Variants in COBLL1 observed in about 807,000 individuals in gnomAD.
COBLL1 encodes cordon-bleu protein-like 1.
Under a neutral mutation model 94.8 loss-of-function variants are expected in COBLL1, and 50 were observed. That is an observed-to-expected ratio of 0.53 (90% CI 0.42 to 0.67). The LOEUF is 0.67. Ranked by LOEUF, COBLL1 falls within the 30% of genes least tolerant of loss-of-function variation. The pLI is 0.00. For synonymous variants in COBLL1, 448 were observed against 473.8 expected, an observed-to-expected ratio of 0.95 and a Z score of 0.71; for missense variants, 1,362 against 1,348.7, an observed-to-expected ratio of 1.01 and a Z score of -0.15.
chr2:164,762,719 C>T lies in COBLL1; in HGVS notation c.42-18844G>A, dbSNP rs550474351. Among the ~76,000 whole-genome samples the T allele has an allele frequency of 8.0e-5, 10 of 125,078 alleles. No homozygotes were observed. In the East Asian group the frequency reaches 2.2e-3, roughly 28 times the overall value. 82.1% of individuals were successfully genotyped at this position (125,078 alleles called of 152,430 possible). A position where few individuals can be genotyped will look rare whatever the true frequency, so the allele number is the denominator to read the frequency against. ...TCCTTTTTTTTTTTTTTTTTTGAGA[C>T]GCAGTCTTGCTCTGTCACCCAGGCT... On this transcript the variant is annotated intron_variant, in intron 2 of 13. Coordinates refer to ENST00000652658, the MANE Select transcript of COBLL1 (RefSeq NM_001365672.2).
intron 1 of COBLL1, among the ~76,000 whole-genome samples, chr2:164,673,950 C>G (rs967842316): frequency 2.6e-5 from 4 of 152,120 alleles, no homozygotes; most frequent in Non-Finnish European, 4.4e-5. Context: ...GCTATAAATA[C>G]TATTGAGTAC....
intron 2 of COBLL1, among the ~76,000 whole-genome samples, chr2:164,769,791 C>T (rs1280093074): frequency 6.6e-6 from 1 of 151,894 alleles, no homozygotes; most frequent in Non-Finnish European, 1.5e-5. Flanking sequence ...CCACATATAC[C>T]CCCCCCAGAG....
chr2:164,802,510 G>T lies in COBLL1; in HGVS notation c.41+38646C>A, dbSNP rs1372641104. 2.0e-5 allele frequency among the ~76,000 whole-genome samples: 3 copies of T among 148,920 alleles called. No homozygotes were observed. The East Asian group carries it at 5.9e-4, about 29-fold the overall frequency. On this transcript the variant is annotated intron_variant, in intron 2 of 13. Transcript: ENST00000652658. ...CAGCAGGAAAAAGCACAGGATTGAA[G>T]TGAGAGAGGGATTTTGCTGAAATCA... is the stretch of plus-strand genomic sequence containing the variant.
At chr2:164,782,385 C>T (rs1030138315) in intron 2 of COBLL1, among the ~76,000 whole-genome samples, 4 of 151,886 alleles carry the variant, frequency 2.6e-5, no homozygotes, top group East Asian at 1.9e-4. Flanking sequence ...TCTAACAAAC[C>T]GAATAGAAAA....
chr2:164,763,632 T>C (rs528712737), intron 2 of COBLL1, among the ~76,000 whole-genome samples: 1 of 152,312 alleles, frequency 6.6e-6, no homozygotes, highest in African/African-American at 2.4e-5. Context: ...TAAAGTATTA[T>C]GCAATCATGA....
Position 164,841,543 on chromosome 2 carries a change from T to C in COBLL1, c.-51+167A>G. ...TCGGAGGGAGAGGAGCCGCCGGGGC[T>C]GGAAAAGGAGGAGGAGCGGGGCCGG... On this transcript the variant is annotated intron_variant, in intron 1 of 13. Coordinates refer to ENST00000652658, the MANE Select transcript of COBLL1 (RefSeq NM_001365672.2). This position sits in a 1 kb window ranked among gnomAD's most constrained non-coding sequence, Gnocchi z 5.5. The C allele has an allele frequency of 1.2e-6, 1 of 839,164 alleles. No individual in the cohort carries two copies. Among genetic ancestry groups the C allele is most frequent in the Non-Finnish European group, 1.5e-6 (1 of 664,338 alleles). The allele number at this position is 839,164 out of a possible 1,614,324, so 52.0% of individuals were successfully genotyped here. A position where few individuals can be genotyped will look rare whatever the true frequency, so the allele number is the denominator to read the frequency against.
At position 164,680,623 on chromosome 2, in the gene COBLL1, G is replaced by C. The variant is rs970853999; in HGVS notation, c.*5323C>G. 6.6e-6 allele frequency: 1 copy of C among 152,020 alleles called. No individual in the cohort carries two copies. The highest frequency in any genetic ancestry group is 1.5e-5 in the Non-Finnish European group (1 of 68,000). 9.4% of individuals were successfully genotyped at this position (152,020 alleles called of 1,614,324 possible). A position where few individuals can be genotyped will look rare whatever the true frequency, so the allele number is the denominator to read the frequency against. On this transcript the variant is annotated 3_prime_UTR_variant, in exon 14 of 14. Transcript: ENST00000652658. ...CTTCTTCCTTCTTTGTACACTTTCA[G>C]GTTTTCAATGAAATAGCACAGTTGC...
At chr2:164,775,965 C>A (rs138705073) in intron 2 of COBLL1, among the ~76,000 whole-genome samples, 1 of 152,078 alleles carries the variant, frequency 6.6e-6, no homozygotes, top group Non-Finnish European at 1.5e-5. Flanking sequence ...GCCTCAATAA[C>A]AGCCCCAATA....
chr2:164,658,338 G>A (rs1320013057), intron 2 of COBLL1, among the ~76,000 whole-genome samples: 2 of 152,076 alleles, frequency 1.3e-5, no homozygotes, highest in Non-Finnish European at 2.9e-5. Context: ...GGCATAGTAG[G>A]GGTGGTGCAG....
rs1489712041 is a variant in COBLL1 at position 164,803,869 on chromosome 2, C to T, written c.41+37287G>A. Among the ~76,000 whole-genome samples, 4 of 151,952 alleles carry T rather than the reference C, an allele frequency of 2.6e-5. 1 individual carries two copies. The highest frequency in any genetic ancestry group is 4.4e-5 in the Non-Finnish European group (3 of 67,986). On this transcript the variant is annotated intron_variant, in intron 2 of 13. Transcript: ENST00000652658. ...CAGGCCCAGCAGACTAGGCAGGTAG[C>T]TACTTAAGGACACATCACACCCAAG...
At chr2:164,777,296 T>C (rs1038939720) in intron 2 of COBLL1, among the ~76,000 whole-genome samples, 2 of 151,644 alleles carry the variant, frequency 1.3e-5, no homozygotes, top group Non-Finnish European at 2.9e-5. Flanking sequence ...AGAAATAATA[T>C]GCCAGGAAGA....
At chr2:164,794,324 A>G (rs1484719931) in intron 2 of COBLL1, among the ~76,000 whole-genome samples, 5 of 152,158 alleles carry the variant, frequency 3.3e-5, no homozygotes, top group African/African-American at 9.7e-5. Flanking sequence ...AGAAAACTGC[A>G]TTTGTCTAAA....
At chr2:164,699,534 A>T in intron 10 of COBLL1, 35 bp from the exon 11 acceptor site, 3 of 1,229,806 alleles carry the variant, frequency 2.4e-6, no homozygotes, top group Non-Finnish European at 3.6e-6. Flanking sequence ...ATATGTTGAT[A>T]CTATTGAAAC....
At chr2:164,767,709 A>T (rs1417757620) in intron 2 of COBLL1, among the ~76,000 whole-genome samples, 1 of 152,148 alleles carries the variant, frequency 6.6e-6, no homozygotes, top group Non-Finnish European at 1.5e-5. Flanking sequence ...TGTCCCATTC[A>T]ATTATAATTT....
Position 164,695,576 on chromosome 2 carries a change from T to C in COBLL1, c.1816A>G (p.Thr606Ala). 1 of 1,613,990 alleles carries C rather than the reference T, an allele frequency of 6.2e-7. No homozygotes were observed. Among genetic ancestry groups the C allele is most frequent in the Non-Finnish European group, 8.5e-7 (1 of 1,179,922 alleles). ...AEKTKDAAIQ[T>A]TPSCNSFDGK... Reference sequence around the variant, plus strand: ...TCAAAACTGTTACAAGAAGGGGTTGTCTGAATTGCTGCATCTTTTGTCTTT... The same window carrying C: ...TCAAAACTGTTACAAGAAGGGGTTGCCTGAATTGCTGCATCTTTTGTCTTT... The change falls in exon 12 of 14, where the codon ACA becomes GCA. Residue 606 changes from threonine (T) to alanine (A), a missense_variant. Physicochemically the swap from Thr to Ala is moderately conservative, Grantham distance 58 (BLOSUM62 0). Coordinates refer to ENST00000652658, the MANE Select transcript of COBLL1 (RefSeq NM_001365672.2).
In COBLL1 at chr2:164,699,506, G is replaced by A; in HGVS notation, c.1461-7C>T. 1 of 1,542,030 alleles carries A rather than the reference G, an allele frequency of 6.5e-7. No individual in the cohort carries two copies. The highest frequency in any genetic ancestry group is 9.0e-7 in the Non-Finnish European group (1 of 1,114,966). On this transcript the variant is annotated splice_region_variant and splice_polypyrimidine_tract_variant and intron_variant, in intron 10 of 13. Transcript: ENST00000652658. ...TACTACACTGTGTGGTTCTCTGGAA[G>A]ATACGACATTGTATGTTATATGTTG...
Position 164,695,255 on chromosome 2 carries a change from G to C in COBLL1, c.2137C>G (p.Pro713Ala), listed in dbSNP as rs769828430. ...NYPLYRQDYN[P>A]KPKPSNEITR... ...ATTTCATTTGAAGGTTTTGGCTTGG[G>C]ATTGTAGTCCTGTCTATAAAGTGGG... Residue 713 changes from proline (P) to alanine (A), a missense_variant, in exon 12 of 14, where the codon CCC becomes GCC. By Grantham distance (27) the Pro-to-Ala change is conservative. Transcript: ENST00000652658. The C allele has an allele frequency of 1.9e-6, 3 of 1,613,864 alleles. No individual in the cohort carries two copies. Among genetic ancestry groups the C allele is most frequent in the Non-Finnish European group, 2.5e-6 (3 of 1,179,922 alleles).
Position 164,799,417 on chromosome 2 carries a change from C to T in COBLL1, c.41+41739G>A, listed in dbSNP as rs188886120. On this transcript the variant is annotated intron_variant, in intron 2 of 13. Transcript: ENST00000652658. ...AACTCCATCAAAATATGTAGAGGATCTGTATTTTGAAAACTACATAACATA... is the reference window on the plus strand; with the variant it reads ...AACTCCATCAAAATATGTAGAGGATTTGTATTTTGAAAACTACATAACATA... 1.2e-4 allele frequency among the ~76,000 whole-genome samples: 18 copies of T among 152,262 alleles called. 1 individual carries two copies. Among genetic ancestry groups the T allele is most frequent in the African/African-American group, 4.3e-4 (18 of 41,552 alleles).
At position 164,694,591 on chromosome 2, in the gene COBLL1, G is replaced by GT. The variant is rs1683802597; in HGVS notation, c.2800dup (p.Thr934AsnfsTer2). The GT allele has an allele frequency of 1.2e-6, 2 of 1,613,780 alleles. No individual in the cohort carries two copies. Among genetic ancestry groups the GT allele is most frequent in the Admixed American group, 1.7e-5 (1 of 59,922 alleles). Reference sequence around the variant, plus strand: ...AGCCTGACCGATGACATCATCATCAGTTTTTTCAACAAGGGGTTGTGGAAC... The same window carrying GT: ...AGCCTGACCGATGACATCATCATCAGTTTTTTTCAACAAGGGGTTGTGGAAC... On this transcript the variant is annotated frameshift_variant, in exon 12 of 14. Transcript: ENST00000652658. LOFTEE classifies it high-confidence loss of function.
Sources: allele counts gnomAD v4.1 joint callset (sites outside exome capture counted in the v4.1 genomes callset), GRCh38; gene constraint gnomAD v4.1.1; non-coding constraint Gnocchi (gnomAD v3.1); transcripts MANE v1.5; gene names NCBI Gene and HGNC (gene_info 2026-07-23, HGNC 2026-07-21).